The following GRIN2B variants were observed in gnomAD, a reference collection of about 807,000 sequenced individuals.
GRIN2B encodes the protein glutamate ionotropic receptor NMDA type subunit 2B, also known as glutamate receptor ionotropic, NMDA 2B.
A neutral mutation model predicts 114.5 loss-of-function variants in GRIN2B; 5 were observed. The ratio of observed to expected loss-of-function variants is 0.04; its 90% CI spans 0.02 to 0.09. The LOEUF (loss-of-function observed/expected upper bound fraction) is 0.09. GRIN2B is among the 10% of genes least tolerant of loss of function. GRIN2B has a pLI of 1.00. For missense variants in GRIN2B, 1,108 were observed against 1,943.5 expected (o/e 0.57, Z 8.08); for synonymous variants, 787 against 745.1 (o/e 1.06, Z -0.92).
chr12:13,948,827 T>C (rs1364274447), intron 2 of GRIN2B, among the ~76,000 whole-genome samples: 1 of 152,142 alleles, frequency 6.6e-6, no homozygotes, highest in East Asian at 1.9e-4. Flanking sequence ...GGGAATTCCA[T>C]GGACAGATGG....
At chr12:13,742,153 G>T (rs956033384) in intron 4 of GRIN2B, among the ~76,000 whole-genome samples, 13 of 152,084 alleles carry the variant, frequency 8.5e-5, no homozygotes, top group Admixed American at 7.2e-4. Flanking sequence ...GCTATACAGG[G>T]ATTTTTATGC....
chr12:13,647,119 T>C (rs1343188012), intron 5 of GRIN2B, among the ~76,000 whole-genome samples: 2 of 152,062 alleles, frequency 1.3e-5, no homozygotes, highest in African/African-American at 2.4e-5. Context: ...GTTGCATCTT[T>C]TGAGACCCTG....
In GRIN2B at chr12:13,682,616, T is replaced by G. The variant is rs189597701; in HGVS notation, c.1011-6757A>C. On this transcript the variant is annotated intron_variant, in intron 4 of 13. Transcript: ENST00000609686. ...GTGGTGTTAAGTTAATGAGATATATTAAAGTATCTTAAATTCTAAATTAGT... is the reference window on the plus strand; with the variant it reads ...GTGGTGTTAAGTTAATGAGATATATGAAAGTATCTTAAATTCTAAATTAGT... Among the ~76,000 whole-genome samples the G allele has an allele frequency of 2.2e-4, 34 of 152,324 alleles. No homozygotes were observed. In the East Asian group the frequency reaches 6.6e-3, roughly 29 times the overall value.
intron 3 of GRIN2B, among the ~76,000 whole-genome samples, chr12:13,817,903 T>C (rs1428453864): frequency 6.6e-6 from 1 of 152,150 alleles, no homozygotes; most frequent in Non-Finnish European, 1.5e-5. Flanking sequence ...AGTTAGACAA[T>C]GGGGAGTAAA....
At chr12:13,899,220 C>T (rs1167189460) in intron 2 of GRIN2B, among the ~76,000 whole-genome samples, 2 of 151,872 alleles carry the variant, frequency 1.3e-5, no homozygotes, top group Non-Finnish European at 2.9e-5. Context: ...GTGCAAAGCC[C>T]CCTATTGTTT....
chr12:13,554,696 C>T lies in GRIN2B; in HGVS notation c.*8087G>A, dbSNP rs1591599673. 6.6e-6 allele frequency: 1 copy of T among 151,948 alleles called. No individual in the cohort carries two copies. Among genetic ancestry groups the T allele is most frequent in the East Asian group, 1.9e-4 (1 of 5,192 alleles). The allele number at this position is 151,948 out of a possible 1,614,324, so 9.4% of individuals were successfully genotyped here. A position where few individuals can be genotyped will look rare whatever the true frequency, so the allele number is the denominator to read the frequency against. On this transcript the variant is annotated 3_prime_UTR_variant, in exon 14 of 14. Coordinates refer to ENST00000609686, the MANE Select transcript of GRIN2B (RefSeq NM_000834.5). The stretch of plus-strand genomic sequence containing the variant: ...TCAAATATAAAATATTGGAACAATG[C>T]TAAAAGACGCTGAAATAATCCAGAC...
intron 3 of GRIN2B, among the ~76,000 whole-genome samples, chr12:13,805,055 A>G (rs914020419): frequency 3.9e-5 from 6 of 152,140 alleles, no homozygotes; most frequent in African/African-American, 1.4e-4. Flanking sequence ...CCTTGATTTA[A>G]TTGTCCCCAT....
intron 3 of GRIN2B, among the ~76,000 whole-genome samples, chr12:13,787,473 C>T (rs796617247): frequency 3.9e-5 from 6 of 152,336 alleles, no homozygotes; most frequent in African/African-American, 1.4e-4. Flanking sequence ...CAGCGCCTCT[C>T]CCTGTGCAAT....
At chr12:13,766,927 G>C (rs760669989) in intron 3 of GRIN2B, among the ~76,000 whole-genome samples, 1 of 152,194 alleles carries the variant, frequency 6.6e-6, no homozygotes, top group South Asian at 2.1e-4. Flanking sequence ...GAGATGATGT[G>C]GGCTTTCAAA....
At chr12:13,574,567 G>GTATC (rs1357081947) in intron 10 of GRIN2B, among the ~76,000 whole-genome samples, 1 of 152,176 alleles carries the variant, frequency 6.6e-6, no homozygotes, top group African/African-American at 2.4e-5. Flanking sequence ...TCCATGCAAG[G>GTATC]TATCTGCAAC....
intron 3 of GRIN2B, among the ~76,000 whole-genome samples, chr12:13,758,530 G>A (rs1490665758): frequency 6.6e-6 from 1 of 152,208 alleles, no homozygotes; most frequent in Non-Finnish European, 1.5e-5. Context: ...TATAAGAAAT[G>A]CATTTGCAAA....
chr12:13,841,449 G>A (rs999090617), intron 3 of GRIN2B, among the ~76,000 whole-genome samples: 3 of 152,080 alleles, frequency 2.0e-5, no homozygotes, highest in Non-Finnish European at 4.4e-5. Flanking sequence ...CACTTCCCCC[G>A]CAATCCCGGA....
At chr12:13,668,416 G>T (rs1196248555) in intron 5 of GRIN2B, among the ~76,000 whole-genome samples, 3 of 152,052 alleles carry the variant, frequency 2.0e-5, no homozygotes, top group Non-Finnish European at 4.4e-5. Flanking sequence ...TGACATTTTG[G>T]ACTGAGCCTA....
chr12:13,710,676 C>A (rs11055599), intron 4 of GRIN2B, among the ~76,000 whole-genome samples: 21 of 151,710 alleles, frequency 1.4e-4, no homozygotes, highest in Non-Finnish European at 2.4e-4. Context: ...TTACAAGGGA[C>A]GTGAAGGACC....
chr12:13,938,863 T>G (rs939010552), intron 2 of GRIN2B, among the ~76,000 whole-genome samples: 3 of 152,060 alleles, frequency 2.0e-5, no homozygotes, highest in Non-Finnish European at 4.4e-5. Flanking sequence ...ACACTTAAAA[T>G]ACGTAAATTT....
chr12:13,837,833 T>C (rs74427344), intron 3 of GRIN2B, among the ~76,000 whole-genome samples: 3,109 of 152,244 alleles, frequency 0.02, 103 homozygotes, highest in African/African-American at 0.071. Flanking sequence ...GGATGGCTGC[T>C]ATGGTGTGGG....
In GRIN2B at chr12:13,692,760, CTTT is replaced by C. The variant is rs71067718; in HGVS notation, c.1011-16904_1011-16902del. Among the ~76,000 whole-genome samples the C allele has an allele frequency of 4.2e-4, 22 of 52,118 alleles. 1 individual carries two copies. The highest frequency in any genetic ancestry group is 1.9e-3 in the Admixed American group (8 of 4,282). The allele number at this position is 52,118 out of a possible 152,430, so 34.2% of individuals were successfully genotyped here. A position where few individuals can be genotyped will look rare whatever the true frequency, so the allele number is the denominator to read the frequency against. ...ACTTATTTTCATTAATCTTTCTTTT[CTTT>C]TTTTTTTTTTTTTTTTTTTTTTGAG... is the stretch of plus-strand genomic sequence containing the variant. On this transcript the variant is annotated intron_variant, in intron 4 of 13. Coordinates refer to ENST00000609686, the MANE Select transcript of GRIN2B (RefSeq NM_000834.5).
At chr12:13,880,994 T>TTTTGTG (rs1555151899) in intron 2 of GRIN2B, among the ~76,000 whole-genome samples, 1 of 148,792 alleles carries the variant, frequency 6.7e-6, no homozygotes, top group Non-Finnish European at 1.5e-5. Context: ...GGGTATAAGG[T>TTTTGTG]TGTGTGTGTG....
intron 3 of GRIN2B, among the ~76,000 whole-genome samples, chr12:13,797,459 T>C (rs1217733939): frequency 6.6e-6 from 1 of 152,230 alleles, no homozygotes; most frequent in African/African-American, 2.4e-5. Flanking sequence ...TGTTCCCATT[T>C]GGGCAGGGAT....
Sources: gnomAD v4.1 joint callset for allele counts (sites outside exome capture counted in the v4.1 genomes callset) on GRCh38, gnomAD v4.1.1 for gene constraint, MANE v1.5 for transcripts, NCBI Gene and HGNC (gene_info 2026-07-23, HGNC 2026-07-21) for gene names.